SPMIP3: variants seen among roughly 807,000 people sequenced by gnomAD.
SPMIP3 encodes sperm microtubule inner protein 3.
the SPMIP3 span, among the ~76,000 whole-genome samples, chr1:244,361,616 G>A: frequency 0.032 from 4,823 of 152,118 alleles, 270 homozygotes; most frequent in African/African-American, 0.11. Flanking sequence ...ATGGACACCC[G>A]CATTACCCTG....
chr1:244,386,010 A>T, the SPMIP3 span, among the ~76,000 whole-genome samples: 1 of 125,768 alleles, frequency 8.0e-6, no homozygotes, highest in Non-Finnish European at 1.6e-5. Flanking sequence ...CAAAACACAC[A>T]CACACACACA....
At chr1:244,381,579 A>G in the SPMIP3 span, among the ~76,000 whole-genome samples, 1,171 of 152,350 alleles carry the variant, frequency 7.7e-3, 20 homozygotes, top group African/African-American at 0.027. Context: ...GGGAACTCAC[A>G]ATCCAGTTGG....
the SPMIP3 span, among the ~76,000 whole-genome samples, chr1:244,367,552 A>G: frequency 6.6e-6 from 1 of 152,096 alleles, no homozygotes; most frequent in African/African-American, 2.4e-5. Context: ...GGGCAACAAG[A>G]CTAGTTCAGG....
the SPMIP3 span, among the ~76,000 whole-genome samples, chr1:244,355,236 C>G: frequency 6.6e-6 from 1 of 152,124 alleles, no homozygotes; most frequent in African/African-American, 2.4e-5. Flanking sequence ...AAGGACTGGA[C>G]GAAATAGCCC....
the SPMIP3 span, among the ~76,000 whole-genome samples, chr1:244,379,706 G>A: frequency 3.1e-4 from 47 of 152,286 alleles, no homozygotes; most frequent in African/African-American, 5.1e-4. Flanking sequence ...GGGGCCAGGC[G>A]CAGTGGCTCA....
the SPMIP3 span, among the ~76,000 whole-genome samples, chr1:244,356,830 A>G: frequency 6.6e-6 from 1 of 152,098 alleles, no homozygotes; most frequent in Non-Finnish European, 1.5e-5. Context: ...TCAAATGTTT[A>G]CCATGTGCTA....
the SPMIP3 span, among the ~76,000 whole-genome samples, chr1:244,374,587 C>CTTTTTTTTTTTTTTTTTTTTTTTT: frequency 4.0e-5 from 3 of 74,616 alleles, no homozygotes; most frequent in Non-Finnish European, 2.4e-5. Flanking sequence ...CCACATTTCT[C>CTTTTTTTTTTTTTTTTTTTTTTTT]TTTTTTTTTT....
At chr1:244,371,002 G>A in the SPMIP3 span, among the ~76,000 whole-genome samples, 1 of 152,220 alleles carries the variant, frequency 6.6e-6, no homozygotes, top group Non-Finnish European at 1.5e-5. Flanking sequence ...TAACAGAGAA[G>A]AGCGTGGTCA....
chr1:244,359,467 G>A, the SPMIP3 span, among the ~76,000 whole-genome samples: 1 of 152,198 alleles, frequency 6.6e-6, no homozygotes, highest in South Asian at 2.1e-4. Flanking sequence ...GCTCATGCTT[G>A]TAATCCCACT....
chr1:244,376,889 C>T, the SPMIP3 span, among the ~76,000 whole-genome samples: 1 of 152,004 alleles, frequency 6.6e-6, no homozygotes. Context: ...CGGCTCGCTG[C>T]AACCTCTGCC....
the SPMIP3 span, among the ~76,000 whole-genome samples, chr1:244,374,696 A>G: frequency 6.7e-6 from 1 of 148,282 alleles, no homozygotes; most frequent in Non-Finnish European, 1.5e-5. Context: ...TCCCGAGTTA[A>G]AGCAATTCTC....
the SPMIP3 span, among the ~76,000 whole-genome samples, chr1:244,380,529 C>T: frequency 2.6e-5 from 4 of 152,166 alleles, no homozygotes; most frequent in African/African-American, 9.6e-5. Context: ...TACTATTTTC[C>T]CAATTTTACT....
the SPMIP3 span, among the ~76,000 whole-genome samples, chr1:244,384,854 T>C: frequency 6.6e-6 from 1 of 152,094 alleles, no homozygotes; most frequent in African/African-American, 2.4e-5. Flanking sequence ...AGAAAGAATA[T>C]TAAGTTGTTT....
chr1:244,371,043 C>T, the SPMIP3 span, among the ~76,000 whole-genome samples: 1 of 152,106 alleles, frequency 6.6e-6, no homozygotes, highest in African/African-American at 2.4e-5. Flanking sequence ...GGCTGTGGGG[C>T]CAGGCTCTGG....
At chr1:244,372,003 CACAG>C in the SPMIP3 span, among the ~76,000 whole-genome samples, 5 of 152,204 alleles carry the variant, frequency 3.3e-5, no homozygotes, top group Non-Finnish European at 5.9e-5. Context: ...GTCGTCTTTG[CACAG>C]ACAGAGACAG....
the SPMIP3 span, among the ~76,000 whole-genome samples, chr1:244,374,178 A>G: frequency 3.3e-5 from 5 of 152,126 alleles, no homozygotes; most frequent in African/African-American, 1.2e-4. Flanking sequence ...CCTGAGCACC[A>G]TTGCCCTCCA....
chr1:244,365,892 GC>G, the SPMIP3 span, among the ~76,000 whole-genome samples: 4 of 152,168 alleles, frequency 2.6e-5, no homozygotes, highest in Admixed American at 6.5e-5. Context: ...TCTGATGAGA[GC>G]TGACGGCACA....
the SPMIP3 span, among the ~76,000 whole-genome samples, chr1:244,382,135 A>G: frequency 2.0e-5 from 3 of 152,170 alleles, no homozygotes; most frequent in African/African-American, 7.2e-5. Flanking sequence ...CTATCTGCCG[A>G]ATACAGTGAC....
the SPMIP3 span, among the ~76,000 whole-genome samples, chr1:244,377,060 G>A: frequency 1.3e-5 from 2 of 151,892 alleles, no homozygotes; most frequent in Non-Finnish European, 2.9e-5. Context: ...CGCCAACCTC[G>A]GCCTCCCAAA....
Sources: gnomAD v4.1 joint callset for allele counts (sites outside exome capture counted in the v4.1 genomes callset) on GRCh38, gnomAD v4.1.1 for gene constraint, MANE v1.5 for transcripts, NCBI Gene and HGNC (gene_info 2026-07-23, HGNC 2026-07-21) for gene names.